The following NRXN3 variants were observed in gnomAD, a reference collection of about 807,000 sequenced individuals.
NRXN3 encodes neurexin III.
Under a neutral mutation model 137.6 loss-of-function variants are expected in NRXN3, and 32 were observed. That is an observed-to-expected ratio of 0.23 (90% CI 0.18 to 0.31). The LOEUF is 0.31. NRXN3 is among the 10% of genes least tolerant of loss of function. The pLI is 1.00. For missense variants in NRXN3, 1,574 were observed against 2,062.5 expected (o/e 0.76, Z 4.59); for synonymous variants, 798 against 784.5 (o/e 1.02, Z -0.29).
chr14:79,134,016 G>A (rs1042387080), intron 15 of NRXN3, among the ~76,000 whole-genome samples: 12 of 151,970 alleles, frequency 7.9e-5, no homozygotes, highest in Admixed American at 2.0e-4. Context: ...GTGACAACCA[G>A]TGGTGTCCTC....
chr14:79,220,034 A>G (rs1488024958), intron 15 of NRXN3, among the ~76,000 whole-genome samples: 4 of 152,182 alleles, frequency 2.6e-5, no homozygotes, highest in Non-Finnish European at 5.9e-5. Flanking sequence ...AATTATGGCA[A>G]TGGGTCTACA....
rs137888995 is a variant in NRXN3, at chr14:78,821,307, C to T, written c.2275+10963C>T. Among the ~76,000 whole-genome samples, 451 of 152,240 alleles carry T rather than the reference C, an allele frequency of 3.0e-3. 3 individuals are homozygous for T. The highest frequency in any genetic ancestry group is 9.9e-3 in the African/African-American group (412 of 41,556). On this transcript the variant is annotated intron_variant, in intron 10 of 20. Transcript: ENST00000335750. ...TAAAGCAATAAACAGAGGGCTGCTC[C>T]TCTGTTCCAGTATAATAAAAAGTAA...
intron 15 of NRXN3, among the ~76,000 whole-genome samples, chr14:79,398,748 G>A (rs1374712208): frequency 6.6e-6 from 1 of 152,102 alleles, no homozygotes; most frequent in African/African-American, 2.4e-5. Flanking sequence ...GGTTGTTCAT[G>A]CCTGTAATCC....
At chr14:79,363,629 A>C (rs2093768835) in intron 15 of NRXN3, among the ~76,000 whole-genome samples, 1 of 152,136 alleles carries the variant, frequency 6.6e-6, no homozygotes, top group Non-Finnish European at 1.5e-5. Flanking sequence ...CCAAATGGAA[A>C]AGAGGACTCT....
At chr14:79,303,349 A>G (rs2085468230) in intron 15 of NRXN3, among the ~76,000 whole-genome samples, 1 of 152,076 alleles carries the variant, frequency 6.6e-6, no homozygotes, top group Non-Finnish European at 1.5e-5. Context: ...TTTGAATCAG[A>G]TAGGACTTAC....
intron 17 of NRXN3, among the ~76,000 whole-genome samples, chr14:79,678,184 G>T (rs1436497914): frequency 6.6e-6 from 1 of 152,038 alleles, no homozygotes; most frequent in African/African-American, 2.4e-5. Context: ...AGAATAGCTA[G>T]CTGTTGATTA....
chr14:79,522,240 T>C (rs971470399), intron 16 of NRXN3, among the ~76,000 whole-genome samples: 1 of 152,092 alleles, frequency 6.6e-6, no homozygotes, highest in African/African-American at 2.4e-5. Context: ...CAAGAAGAAC[T>C]TGACAGACCG....
chr14:79,692,899 A>G (rs2098721632), intron 18 of NRXN3, among the ~76,000 whole-genome samples: 1 of 152,118 alleles, frequency 6.6e-6, no homozygotes, highest in Non-Finnish European at 1.5e-5. Context: ...CTAAAAACAA[A>G]AACAAACTTA....
At chr14:79,847,665 T>C (rs190870950) in intron 20 of NRXN3, among the ~76,000 whole-genome samples, 171 of 152,334 alleles carry the variant, frequency 1.1e-3, no homozygotes, top group Middle Eastern at 3.4e-3. Context: ...TCAGCACTCC[T>C]TGATGGTCCT....
intron 6 of NRXN3, among the ~76,000 whole-genome samples, chr14:78,701,881 C>A (rs2098282844): frequency 6.6e-6 from 1 of 152,166 alleles, no homozygotes; most frequent in Non-Finnish European, 1.5e-5. Context: ...TTGTCTTTGG[C>A]AGATCCTGAC....
chr14:79,852,699 CA>C (rs1214128123), intron 20 of NRXN3, among the ~76,000 whole-genome samples: 2 of 151,886 alleles, frequency 1.3e-5, no homozygotes, highest in African/African-American at 4.8e-5. Flanking sequence ...ATTAACCAGC[CA>C]AAAAAGCAAA....
intron 10 of NRXN3, among the ~76,000 whole-genome samples, chr14:78,844,932 G>C (rs2099022401): frequency 2.0e-5 from 3 of 151,612 alleles, no homozygotes. Context: ...TATTTCCTCT[G>C]TCTGCTTTCC....
intron 15 of NRXN3, among the ~76,000 whole-genome samples, chr14:79,195,000 T>A (rs1485078326): frequency 6.6e-6 from 1 of 152,142 alleles, no homozygotes; most frequent in East Asian, 1.9e-4. Flanking sequence ...TTTTCCACAT[T>A]CCTTGTCACT....
intron 20 of NRXN3, among the ~76,000 whole-genome samples, chr14:79,852,817 G>GT (rs1167081021): frequency 2.0e-5 from 3 of 150,918 alleles, no homozygotes; most frequent in Non-Finnish European, 3.0e-5. Flanking sequence ...TAAACTTTTT[G>GT]TTTTTTTCTC....
intron 1 of NRXN3, among the ~76,000 whole-genome samples, chr14:78,192,764 C>T (rs893645212): frequency 2.0e-5 from 3 of 152,166 alleles, no homozygotes; most frequent in Non-Finnish European, 4.4e-5. Flanking sequence ...CAGACTTCAA[C>T]GCAAAAACTG....
rs148282696 is a variant in NRXN3, at chr14:79,447,631, C to T, written c.3263-19590C>T. Among the ~76,000 whole-genome samples the T allele has an allele frequency of 2.7e-3, 405 of 152,318 alleles. 3 individuals are homozygous for T. Among genetic ancestry groups the T allele is most frequent in the African/African-American group, 9.4e-3 (390 of 41,568 alleles). ...CAGTGACCATTCAGTCTCTACTATA[C>T]TAGAACCCATCTGATGATGAAATTT... On this transcript the variant is annotated intron_variant, in intron 15 of 20. Transcript: ENST00000335750.
chr14:78,453,954 A>C (rs1401548558), intron 4 of NRXN3, among the ~76,000 whole-genome samples: 2 of 152,208 alleles, frequency 1.3e-5, no homozygotes, highest in African/African-American at 2.4e-5. Flanking sequence ...AGTCTCCAGA[A>C]CTGCGAGACA....
At chr14:78,661,873 AT>A (rs1025712133) in intron 6 of NRXN3, among the ~76,000 whole-genome samples, 1 of 147,374 alleles carries the variant, frequency 6.8e-6, no homozygotes, top group African/African-American at 2.5e-5. Context: ...AATGTTATTT[AT>A]TTTTTTTCTG....
intron 10 of NRXN3, among the ~76,000 whole-genome samples, chr14:78,817,696 G>T (rs1402574772): frequency 1.3e-5 from 2 of 152,100 alleles, no homozygotes; most frequent in Non-Finnish European, 2.9e-5. Flanking sequence ...AGAAACCAAA[G>T]AATATAGACT....
Sources: gnomAD v4.1 joint callset for allele counts (sites outside exome capture counted in the v4.1 genomes callset) on GRCh38, gnomAD v4.1.1 for gene constraint, MANE v1.5 for transcripts, NCBI Gene and HGNC (gene_info 2026-07-23, HGNC 2026-07-21) for gene names.